The following ROS1 variants were observed in gnomAD, a reference collection of about 807,000 sequenced individuals.
ROS1 encodes the protein ROS proto-oncogene 1, receptor tyrosine kinase, also known as proto-oncogene tyrosine-protein kinase ROS.
Under a neutral mutation model 273.5 loss-of-function variants are expected in ROS1, and 263 were observed. The observed-to-expected ratio is 0.96, with a 90% CI of 0.87 to 1.06. The LOEUF is 1.06. Among genes scored for constraint, ROS1 ranks in the 50% least tolerant of loss-of-function variants. The pLI, the probability that ROS1 is intolerant of heterozygous loss-of-function variation, is 0.00. For synonymous variants in ROS1, 1,008 were observed against 954.1 expected (o/e 1.06, Z -1.04); for missense variants, 2,833 against 2,751.1 (o/e 1.03, Z -0.67).
chr6:117,416,808 C>T (rs1048263907), intron 2 of ROS1, among the ~76,000 whole-genome samples: 1 of 152,102 alleles, frequency 6.6e-6, no homozygotes, highest in East Asian at 1.9e-4. Context: ...CCACAGCTGC[C>T]CTGAAAACCC....
chr6:117,404,503 T>C (rs1472177685), intron 5 of ROS1, 75 bp from the exon 6 acceptor site: 38 of 1,368,308 alleles, frequency 2.8e-5, no homozygotes, highest in Non-Finnish European at 3.5e-5. Flanking sequence ...CTCTCTCATC[T>C]AGGGCTCTCC....
chr6:117,323,495 G>A (rs1193320524), intron 35 of ROS1, among the ~76,000 whole-genome samples: 1 of 151,998 alleles, frequency 6.6e-6, no homozygotes, highest in African/African-American at 2.4e-5. Context: ...TTCTTTTAAT[G>A]ATTCAGTGTG....
At chr6:117,417,208 T>C (rs1401043786) in intron 2 of ROS1, among the ~76,000 whole-genome samples, 1 of 152,156 alleles carries the variant, frequency 6.6e-6, no homozygotes, top group East Asian at 1.9e-4. Context: ...AGATCCATCA[T>C]GTGGAATTCA....
At chr6:117,336,259 A>AAACCATC (rs746009285) in intron 32 of ROS1, among the ~76,000 whole-genome samples, 32 of 152,084 alleles carry the variant, frequency 2.1e-4, no homozygotes, top group Non-Finnish European at 4.4e-4. Context: ...TACACCTAGC[A>AAACCATC]AACCATCACC....
intron 25 of ROS1, 46 bp from the exon 26 acceptor site, chr6:117,356,961 T>A: frequency 6.8e-7 from 1 of 1,470,376 alleles, no homozygotes; most frequent in Non-Finnish European, 9.3e-7. Context: ...GTAAAATACA[T>A]CATTTCAAAT....
In ROS1 at chr6:117,310,015, C is replaced by T. The variant is rs1321518823; in HGVS notation, c.6416+66G>A. The T allele has an allele frequency of 1.8e-5, 24 of 1,361,124 alleles. No homozygotes were observed. In the East Asian group the frequency reaches 4.8e-4, roughly 27 times the overall value. 84.3% of individuals were successfully genotyped at this position (1,361,124 alleles called of 1,614,324 possible). A position where few individuals can be genotyped will look rare whatever the true frequency, so the allele number is the denominator to read the frequency against. On this transcript the variant is annotated intron_variant, in intron 41 of 43. Coordinates refer to ENST00000368507, the MANE Select transcript of ROS1 (RefSeq NM_001378902.1). ...ACATTAAAAAAGCAAGATTAGATGT[C>T]CTTTTAAAATCCCCTCTAATGTTTG...
rs1312975656 is a variant in ROS1, at chr6:117,353,020, C to G, written c.4273G>C (p.Ala1425Pro). 2 of 1,613,594 alleles carry G rather than the reference C, an allele frequency of 1.2e-6. No homozygotes were observed. The highest frequency in any genetic ancestry group is 1.7e-6 in the Non-Finnish European group (2 of 1,179,930). The change falls in exon 27 of 44, where the codon GCT (alanine) becomes CCT (proline). Residue 1425 changes from alanine to proline, a missense_variant. By Grantham distance (27) the Ala-to-Pro change is conservative. Coordinates refer to ENST00000368507, the MANE Select transcript of ROS1 (RefSeq NM_001378902.1). ...AAAGGCTGCATAACTGAACTGTAAG[C>G]CAAGATATGCCTACTCCTTAGGGCC... ...VKALRSRHIL[A>P]YSSVMQPFPD...
At chr6:117,310,638 C>T (rs1278513771) in intron 40 of ROS1, among the ~76,000 whole-genome samples, 1 of 151,934 alleles carries the variant, frequency 6.6e-6, no homozygotes, top group Non-Finnish European at 1.5e-5. Context: ...TGAGAACCTG[C>T]TTTGGTTTTC....
intron 25 of ROS1, 113 bp downstream of exon 25, chr6:117,357,691 C>T (rs1438646509): frequency 1.4e-6 from 1 of 701,186 alleles, no homozygotes; most frequent in Non-Finnish European, 2.3e-6. Context: ...GGCCAAGAGC[C>T]CTAAGCATCT....
At chr6:117,314,003 T>TTA (rs1367401379) in intron 39 of ROS1, among the ~76,000 whole-genome samples, 6 of 152,204 alleles carry the variant, frequency 3.9e-5, no homozygotes, top group Admixed American at 3.9e-4. Flanking sequence ...GAACCAATCT[T>TTA]TATAAGCATT....
rs2243387 is a variant in ROS1, at chr6:117,310,300, TTAA to T, written c.6216-22_6216-20del. On this transcript the variant is annotated intron_variant, in intron 40 of 43. Coordinates refer to ENST00000368507, the MANE Select transcript of ROS1 (RefSeq NM_001378902.1). ...CAGATCCCTGTGGCAGAAGTTATAT[TTAA>T]TAATAATAATAATAACAACAATAAA... 0.045 allele frequency: 64,874 copies of T among 1,428,224 alleles called. 1,885 individuals carry two copies. Among genetic ancestry groups the T allele is most frequent in the Non-Finnish European group, 0.052 (53,984 of 1,044,834 alleles). 88.5% of individuals were successfully genotyped at this position (1,428,224 alleles called of 1,614,324 possible).
Position 117,365,146 on chromosome 6 carries a change from T to C in ROS1, c.3017A>G (p.Tyr1006Cys), listed in dbSNP as rs141171688. ...AGTGACAGAAAGATTAAATAAGGCA[T>C]AAGGTTCCAGTCCTTCCACAGTAAA... ...PVFTVEGLEP[Y>C]ALFNLSVTPY... Residue 1006 changes from tyrosine (Y) to cysteine (C), a missense_variant, in exon 21 of 44, where the codon TAT becomes TGT. Coordinates refer to ENST00000368507, the MANE Select transcript of ROS1 (RefSeq NM_001378902.1). 23 of 1,613,356 alleles carry C rather than the reference T, an allele frequency of 1.4e-5. No individual in the cohort carries two copies. The African/African-American group carries it at 2.8e-4, about 20-fold the overall frequency.
Position 117,394,737 on chromosome 6 carries a change from A to T in ROS1, c.885T>A (p.Val295=), listed in dbSNP as rs758063107. The change falls in exon 10 of 44, where the codon GTT becomes GTA. Residue 295 remains valine, a splice_region_variant and synonymous_variant. Transcript: ENST00000368507. The part of the protein sequence containing the change: ...ESSITTSSSA[V]QQEEQWLFLS... ...AAAAGAGCCACTGTTCCTCTTGTTG[A>T]ACTGAAAAAAACAACACAATTTGCA... 1.6e-5 allele frequency: 26 copies of T among 1,604,682 alleles called. No individual in the cohort carries two copies. The South Asian group carries it at 2.9e-4, about 18-fold the overall frequency.
At chr6:117,410,545 C>A (rs1487972849) in intron 4 of ROS1, among the ~76,000 whole-genome samples, 1 of 152,068 alleles carries the variant, frequency 6.6e-6, no homozygotes, top group Non-Finnish European at 1.5e-5. Context: ...AAATTTCCTG[C>A]AACTCTTAAC....
At chr6:117,322,814 GC>G (rs1204192468) in intron 35 of ROS1, among the ~76,000 whole-genome samples, 1 of 152,150 alleles carries the variant, frequency 6.6e-6, no homozygotes, top group Non-Finnish European at 1.5e-5. Context: ...AATTAGCTTA[GC>G]TAGACTCAAA....
At chr6:117,309,832 T>C (rs1775396373) in intron 41 of ROS1, among the ~76,000 whole-genome samples, 2 of 152,126 alleles carry the variant, frequency 1.3e-5, no homozygotes, top group Admixed American at 1.3e-4. Context: ...ATCTTTGGAA[T>C]GTAATAAAAT....
intron 27 of ROS1, among the ~76,000 whole-genome samples, chr6:117,349,223 A>G (rs1778611140): frequency 6.6e-6 from 1 of 151,962 alleles, no homozygotes; most frequent in Non-Finnish European, 1.5e-5. Context: ...TTGCAGTTCT[A>G]TCAGTTGTTG....
intron 35 of ROS1, among the ~76,000 whole-genome samples, chr6:117,323,286 G>A (rs986090419): frequency 3.3e-5 from 5 of 152,126 alleles, no homozygotes; most frequent in African/African-American, 9.7e-5. Flanking sequence ...CATAAAGATT[G>A]TGACTCCAAT....
chr6:117,418,400 A>G, intron 2 of ROS1, 62 bp downstream of exon 2: 1 of 1,150,370 alleles, frequency 8.7e-7, no homozygotes, highest in Non-Finnish European at 1.3e-6. Flanking sequence ...AAATCTGATC[A>G]TTGTCCCTTC....
Sources: gnomAD v4.1 joint callset for allele counts (sites outside exome capture counted in the v4.1 genomes callset) on GRCh38, gnomAD v4.1.1 for gene constraint, MANE v1.5 for transcripts, NCBI Gene and HGNC (gene_info 2026-07-23, HGNC 2026-07-21) for gene names.